Variants in KIF2A observed in about 807,000 individuals in gnomAD.
KIF2A encodes the protein kinesin-like protein KIF2A.
In KIF2A, 22 loss-of-function variants were observed where a neutral mutation model predicts 100.2. The observed-to-expected ratio is 0.22, with a 90% confidence interval of 0.16 to 0.31. The LOEUF (loss-of-function observed/expected upper bound fraction) is 0.31. Ranked by LOEUF, KIF2A falls within the 10% of genes least tolerant of loss-of-function variation. The pLI is 1.00. For missense variants in KIF2A, 495 were observed against 898.7 expected (o/e 0.55, Z 5.74); for synonymous variants, 268 against 285.9 (o/e 0.94, Z 0.63).
At chr5:62,375,945 T>C (rs774453143) in intron 18 of KIF2A, among the ~76,000 whole-genome samples, 4 of 152,178 alleles carry the variant, frequency 2.6e-5, no homozygotes, top group Non-Finnish European at 5.9e-5. Flanking sequence ...CCATAAAAAC[T>C]AAAAATGAGA....
chr5:62,354,309 T>G (rs904360691), intron 6 of KIF2A, among the ~76,000 whole-genome samples: 1 of 152,150 alleles, frequency 6.6e-6, no homozygotes, highest in Non-Finnish European at 1.5e-5. Flanking sequence ...AATTCTCACT[T>G]CACAGTCTGC....
chr5:62,317,491 T>G (rs533599369), intron 1 of KIF2A, among the ~76,000 whole-genome samples: 14 of 152,364 alleles, frequency 9.2e-5, no homozygotes, highest in African/African-American at 3.4e-4. Context: ...GGAAGTTGAC[T>G]TGTCCAAGGT....
At position 62,343,232 on chromosome 5, in the gene KIF2A, T is replaced by C. The variant is rs532717622; in HGVS notation, c.65-3898T>C. Among the ~76,000 whole-genome samples, 11 of 152,336 alleles carry C rather than the reference T, an allele frequency of 7.2e-5. No homozygotes were observed. The East Asian group carries it at 9.6e-4, about 13-fold the overall frequency. On this transcript the variant is annotated intron_variant, in intron 1 of 20. Coordinates refer to ENST00000407818, the MANE Select transcript of KIF2A (RefSeq NM_001098511.3). ...TGAAGTAAGGATTATTTAATTTCCCTTTTTTAACTCCCTTTTGACTCCTCC... is the reference window on the plus strand; with the variant it reads ...TGAAGTAAGGATTATTTAATTTCCCCTTTTTAACTCCCTTTTGACTCCTCC...
At chr5:62,339,400 T>C (rs1301364784) in intron 1 of KIF2A, among the ~76,000 whole-genome samples, 2 of 151,482 alleles carry the variant, frequency 1.3e-5, no homozygotes, top group East Asian at 1.9e-4. Context: ...ACCTCCAATA[T>C]AGGGATTACA....
In KIF2A at chr5:62,308,422, C is replaced by T. The variant is rs1311156584; in HGVS notation, c.64+1886C>T. 4 of 1,189,210 alleles carry T rather than the reference C, an allele frequency of 3.4e-6. No individual in the cohort carries two copies. The Admixed American group carries it at 5.9e-5, about 18-fold the overall frequency. 73.7% of individuals were successfully genotyped at this position (1,189,210 alleles called of 1,614,324 possible). A position where few individuals can be genotyped will look rare whatever the true frequency, so the allele number is the denominator to read the frequency against. On this transcript the variant is annotated intron_variant, in intron 1 of 20. Coordinates refer to ENST00000407818, the MANE Select transcript of KIF2A (RefSeq NM_001098511.3). ...ATACACCCAAGGGAGAGGAAATCAC[C>T]ACCTTGTGAAGATATCTGCACTCTC...
At chr5:62,307,665 T>C (rs934970519) in intron 1 of KIF2A, among the ~76,000 whole-genome samples, 28 of 151,280 alleles carry the variant, frequency 1.9e-4, no homozygotes, top group African/African-American at 6.3e-4. Flanking sequence ...TCACCCAGGC[T>C]GGAGTGCAGT....
At chr5:62,324,488 C>T (rs958043512) in intron 1 of KIF2A, among the ~76,000 whole-genome samples, 4 of 152,134 alleles carry the variant, frequency 2.6e-5, no homozygotes, top group African/African-American at 4.8e-5. Context: ...ACCAAAACAG[C>T]GCGGTACCGA....
chr5:62,310,466 A>G (rs149214829), intron 1 of KIF2A, among the ~76,000 whole-genome samples: 1 of 152,282 alleles, frequency 6.6e-6, no homozygotes, highest in Non-Finnish European at 1.5e-5. Flanking sequence ...TAAATCATAC[A>G]TTATTGGATT....
chr5:62,307,816 C>A (rs977120615), intron 1 of KIF2A, among the ~76,000 whole-genome samples: 2 of 152,106 alleles, frequency 1.3e-5, no homozygotes, highest in African/African-American at 4.8e-5. Context: ...CGGGGTTTCA[C>A]CATGTTGACA....
intron 18 of KIF2A, 62 bp from the exon 19 acceptor site, chr5:62,377,598 AC>A: frequency 1.1e-6 from 1 of 872,886 alleles, no homozygotes; most frequent in Middle Eastern, 3.6e-4. Flanking sequence ...ATTAAAAAAA[AC>A]TACTTTTATA....
At chr5:62,352,269 A>G (rs1478233978) in intron 4 of KIF2A, among the ~76,000 whole-genome samples, 1 of 152,036 alleles carries the variant, frequency 6.6e-6, no homozygotes, top group Non-Finnish European at 1.5e-5. Context: ...TTTCACATAT[A>G]TATTTTAAAG....
rs183877313 is a variant in KIF2A at position 62,331,337 on chromosome 5, A to G, written c.65-15793A>G. 2.6e-3 allele frequency among the ~76,000 whole-genome samples: 397 copies of G among 151,974 alleles called. 1 individual carries two copies. Among genetic ancestry groups the G allele is most frequent in the Non-Finnish European group, 4.3e-3 (294 of 67,960 alleles). On this transcript the variant is annotated intron_variant, in intron 1 of 20. Transcript: ENST00000407818. The stretch of plus-strand genomic sequence containing the variant: ...GAGGCAGGAGAATCGCTTGAACTGG[A>G]GAGGCAGAGGCTGTGGTGAGCTGAG...
intron 3 of KIF2A, among the ~76,000 whole-genome samples, chr5:62,349,042 A>G (rs971378420): frequency 6.6e-6 from 1 of 152,084 alleles, no homozygotes; most frequent in African/African-American, 2.4e-5. Flanking sequence ...CATATTTTCA[A>G]CTCATGAGTT....
At chr5:62,322,043 C>G (rs960905287) in intron 1 of KIF2A, among the ~76,000 whole-genome samples, 2 of 152,118 alleles carry the variant, frequency 1.3e-5, no homozygotes, top group African/African-American at 4.8e-5. Context: ...TTTCAGCTTC[C>G]TGAGTAGCTA....
rs1742012758 is a variant in KIF2A at position 62,386,116 on chromosome 5, A to G, written c.*547A>G. 2.0e-5 allele frequency: 3 copies of G among 153,106 alleles called. No homozygotes were observed. The highest frequency in any genetic ancestry group is 2.9e-5 in the Non-Finnish European group (2 of 68,446). 9.5% of individuals were successfully genotyped at this position (153,106 alleles called of 1,614,324 possible). A position where few individuals can be genotyped will look rare whatever the true frequency, so the allele number is the denominator to read the frequency against. On this transcript the variant is annotated 3_prime_UTR_variant, in exon 21 of 21. Coordinates refer to ENST00000407818, the MANE Select transcript of KIF2A (RefSeq NM_001098511.3). The stretch of plus-strand genomic sequence containing the variant: ...AAAATTACATTCCTTGTCATTGTAA[A>G]TTACCTTTGTGTGTACATTTTTACT...
At position 62,350,098 on chromosome 5, in the gene KIF2A, C is replaced by T; in HGVS notation, c.312C>T (p.Asp104=). ...GGACTGTAGCTTCTATTAAGAATGA[C>T]CCTCCTTCAAGAGATAATAGAGGTA... ...NRRTVASIKN[D]PPSRDNRVVG... is the part of the protein sequence containing the mutation. Residue 104 remains aspartate (D), a synonymous_variant, in exon 4 of 21, where the codon GAC becomes GAT. Coordinates refer to ENST00000407818, the MANE Select transcript of KIF2A (RefSeq NM_001098511.3). The T allele has an allele frequency of 1.3e-6, 2 of 1,587,434 alleles. No individual in the cohort carries two copies. The highest frequency in any genetic ancestry group is 1.7e-6 in the Non-Finnish European group (2 of 1,167,120).
chr5:62,365,140 C>T, intron 14 of KIF2A, 103 bp from the exon 15 acceptor site: 1 of 559,840 alleles, frequency 1.8e-6, no homozygotes. Flanking sequence ...TGATCAGACC[C>T]TTAAATGTTC....
At chr5:62,361,944 A>G (rs751014944) in intron 11 of KIF2A, among the ~76,000 whole-genome samples, 1 of 151,598 alleles carries the variant, frequency 6.6e-6, no homozygotes, top group Non-Finnish European at 1.5e-5. Flanking sequence ...GAATTGTTTG[A>G]TCATTTGAAC....
At chr5:62,322,596 A>G (rs1335305835) in intron 1 of KIF2A, among the ~76,000 whole-genome samples, 1 of 152,224 alleles carries the variant, frequency 6.6e-6, no homozygotes, top group African/African-American at 2.4e-5. Context: ...TTGACAGCAA[A>G]TATGCTGCAA....
Sources: allele counts gnomAD v4.1 joint callset (sites outside exome capture counted in the v4.1 genomes callset), GRCh38; gene constraint gnomAD v4.1.1; transcripts MANE v1.5; gene names NCBI Gene and HGNC (gene_info 2026-07-23, HGNC 2026-07-21).